ZFHX3: variants seen among roughly 807,000 people sequenced by gnomAD.
ZFHX3 encodes the protein zinc finger homeobox 3.
Under a neutral mutation model 279.1 loss-of-function variants are expected in ZFHX3, and 42 were observed. The ratio of observed to expected loss-of-function variants is 0.15; its 90% CI spans 0.12 to 0.19. The LOEUF is 0.19. Ranked by LOEUF, ZFHX3 falls within the 10% of genes least tolerant of loss-of-function variation. The pLI, the probability that ZFHX3 is intolerant of heterozygous loss-of-function variation, is 1.00. For synonymous variants in ZFHX3, 2,293 were observed against 1,957.8 expected, an observed-to-expected ratio of 1.17 and a Z score of -4.52; for missense variants, 4,981 against 4,754.0, an observed-to-expected ratio of 1.05 and a Z score of -1.40.
intron 7 of ZFHX3, among the ~76,000 whole-genome samples, chr16:73,120,327 G>A (rs1032622618): frequency 2.0e-5 from 3 of 151,008 alleles, no homozygotes; most frequent in African/African-American, 4.9e-5. Flanking sequence ...CATAAGTGGT[G>A]CAATCATAGC....
At chr16:73,278,648 C>G (rs533916183) in intron 4 of ZFHX3, among the ~76,000 whole-genome samples, 10 of 152,308 alleles carry the variant, frequency 6.6e-5, no homozygotes, top group African/African-American at 2.4e-4. Context: ...CCGTTTTTGT[C>G]CTATCAGAGT....
At chr16:73,611,078 C>G (rs1181080127) in intron 2 of ZFHX3, among the ~76,000 whole-genome samples, 1 of 152,192 alleles carries the variant, frequency 6.6e-6, no homozygotes, top group Non-Finnish European at 1.5e-5. Flanking sequence ...CCAGATTAAA[C>G]CTTTCTGTTT....
chr16:73,540,995 T>C (rs892984003), intron 2 of ZFHX3, among the ~76,000 whole-genome samples: 8 of 152,104 alleles, frequency 5.3e-5, no homozygotes, highest in African/African-American at 1.7e-4. Context: ...AGACCCAGTT[T>C]CCCCAGCTGT....
intron 1 of ZFHX3, among the ~76,000 whole-genome samples, chr16:73,842,018 C>G (rs1337739346): frequency 6.6e-6 from 1 of 151,308 alleles, no homozygotes; most frequent in Non-Finnish European, 1.5e-5. Context: ...AGTTCAAGAC[C>G]AGCCTGACCA....
chr16:72,806,090 A>C (rs2036256113), intron 7 of ZFHX3: 3 of 152,186 alleles, frequency 2.0e-5, no homozygotes, highest in Admixed American at 2.0e-4. Flanking sequence ...GTAGAGACAC[A>C]GTCTTGCCAT....
chr16:73,053,507 A>G (rs1339114386), intron 1 of ZFHX3, among the ~76,000 whole-genome samples: 1 of 152,092 alleles, frequency 6.6e-6, no homozygotes, highest in Non-Finnish European at 1.5e-5. Flanking sequence ...AGTGGACAAT[A>G]AGGATGTATT....
chr16:73,539,748 A>C (rs17376025), intron 2 of ZFHX3, among the ~76,000 whole-genome samples: 5,104 of 152,258 alleles, frequency 0.034, 122 homozygotes, highest in Non-Finnish European at 0.05. Flanking sequence ...TCGGTGTGTG[A>C]AGAGGGAAGC....
chr16:73,631,406 AAATAT>A (rs1471550948), intron 2 of ZFHX3, among the ~76,000 whole-genome samples: 1 of 152,208 alleles, frequency 6.6e-6, no homozygotes, highest in African/African-American at 2.4e-5. Flanking sequence ...TTATAACTTA[AAATAT>A]TTAATCTCCA....
chr16:73,599,600 T>C (rs952844816), intron 2 of ZFHX3, among the ~76,000 whole-genome samples: 2 of 152,196 alleles, frequency 1.3e-5, no homozygotes, highest in Admixed American at 6.5e-5. Flanking sequence ...GCATTTGGAT[T>C]GCAAATTGCT....
In ZFHX3 at chr16:73,100,372, C is replaced by T. The variant is rs538719156; in HGVS notation, c.-896-6774G>A. On this transcript the variant is annotated intron_variant, in intron 7 of 17. Transcript: ENST00000641206. ...AGCCACTAGGACTCAAGAGCTGAGA[C>T]GATCTCACCAACGGGCATGCCTTTT... Among the ~76,000 whole-genome samples, 127 of 152,252 alleles carry T rather than the reference C, an allele frequency of 8.3e-4. 1 individual carries two copies. The South Asian group carries it at 8.7e-3, about 10-fold the overall frequency.
intron 5 of ZFHX3, among the ~76,000 whole-genome samples, chr16:73,191,038 G>T (rs184600997): frequency 3.7e-4 from 56 of 152,200 alleles, no homozygotes; most frequent in Non-Finnish European, 7.1e-4. Flanking sequence ...TGGCTGAAAA[G>T]GATCCTGCTT....
intron 5 of ZFHX3, among the ~76,000 whole-genome samples, chr16:73,198,031 A>C (rs527327482): frequency 1.5e-5 from 2 of 134,354 alleles, no homozygotes; most frequent in South Asian, 4.9e-4. Flanking sequence ...TCTGCCTCCC[A>C]GGTTCAAGTG....
intron 1 of ZFHX3, among the ~76,000 whole-genome samples, chr16:73,846,763 G>A (rs777894740): frequency 6.6e-6 from 1 of 151,906 alleles, no homozygotes; most frequent in Non-Finnish European, 1.5e-5. Context: ...AAAAGGTCCT[G>A]GTATAGGACA....
chr16:73,749,759 C>T (rs1209709783), intron 1 of ZFHX3, among the ~76,000 whole-genome samples: 2 of 152,096 alleles, frequency 1.3e-5, no homozygotes, highest in South Asian at 2.1e-4. Context: ...TGGATAAATG[C>T]AAAATGTGAG....
chr16:73,028,969 C>T (rs953770047), intron 1 of ZFHX3, among the ~76,000 whole-genome samples: 2 of 152,162 alleles, frequency 1.3e-5, no homozygotes, highest in African/African-American at 4.8e-5. Context: ...ACAATGCAAT[C>T]CAAACAAAGG....
intron 4 of ZFHX3, among the ~76,000 whole-genome samples, chr16:73,304,235 T>C (rs2015127242): frequency 6.6e-6 from 1 of 152,048 alleles, no homozygotes; most frequent in Admixed American, 6.6e-5. Flanking sequence ...AGAAATGATG[T>C]CATGTAAATA....
chr16:73,881,900 C>T (rs1381235530), intron 1 of ZFHX3, among the ~76,000 whole-genome samples: 1 of 152,082 alleles, frequency 6.6e-6, no homozygotes, highest in Non-Finnish European at 1.5e-5. Flanking sequence ...CCCGCAGCTC[C>T]CCTCCAGTTT....
chr16:73,784,036 C>A (rs1402891735), intron 1 of ZFHX3, among the ~76,000 whole-genome samples: 1 of 151,978 alleles, frequency 6.6e-6, no homozygotes, highest in South Asian at 2.1e-4. Flanking sequence ...AGATGGGATG[C>A]CTGCATGAGC....
chr16:73,580,186 G>A (rs2051844791), intron 2 of ZFHX3, among the ~76,000 whole-genome samples: 1 of 151,630 alleles, frequency 6.6e-6, no homozygotes, highest in Non-Finnish European at 1.5e-5. Context: ...TTCTTTGTAA[G>A]AGAAATTTAC....
Sources: allele counts gnomAD v4.1 joint callset (sites outside exome capture counted in the v4.1 genomes callset), GRCh38; gene constraint gnomAD v4.1.1; transcripts MANE v1.5; gene names NCBI Gene and HGNC (gene_info 2026-07-23, HGNC 2026-07-21).